The following RIMS1 variants were observed in gnomAD, a reference collection of about 807,000 sequenced individuals.
RIMS1 encodes the protein regulating synaptic membrane exocytosis 1.
In RIMS1, 83 loss-of-function variants were observed where a neutral mutation model predicts 214.1. That is an observed-to-expected ratio of 0.39 (90% confidence interval 0.32 to 0.47). The LOEUF (loss-of-function observed/expected upper bound fraction) is 0.47, where lower values mean the gene tolerates loss of function less well. Among genes scored for constraint, RIMS1 ranks in the 20% least tolerant of loss-of-function variants. The probability of loss-of-function intolerance (pLI) is 0.99; values close to 1 mark genes in which losing one functional copy is unlikely to be tolerated. For missense variants in RIMS1, 2,050 were observed against 2,161.8 expected, an observed-to-expected ratio of 0.95 and a Z score of 1.03; for synonymous variants, 793 against 786.8, an observed-to-expected ratio of 1.01 and a Z score of -0.13.
At position 72,187,067 on chromosome 6, in the gene RIMS1, G is replaced by A. The variant is rs144061969; in HGVS notation, c.1678+3918G>A. Among the ~76,000 whole-genome samples the A allele has an allele frequency of 1.1e-3, 166 of 152,138 alleles. 1 individual carries two copies. The highest frequency in any genetic ancestry group is 3.8e-3 in the African/African-American group (156 of 41,516). ...CTTGAACCTGTGAGGTGGAGGTTGC[G>A]GTGAGCCGAGATTGTGCCACTGCAC... is the stretch of plus-strand genomic sequence containing the variant. On this transcript the variant is annotated intron_variant, in intron 6 of 33. Coordinates refer to ENST00000521978, the MANE Select transcript of RIMS1 (RefSeq NM_014989.7).
At chr6:71,999,013 C>G (rs117230730) in intron 2 of RIMS1, among the ~76,000 whole-genome samples, 68 of 152,054 alleles carry the variant, frequency 4.5e-4, no homozygotes, top group Admixed American at 7.2e-4. Context: ...CTATGTAGGT[C>G]TTTTGCAATT....
chr6:72,178,412 C>T (rs886100664), intron 4 of RIMS1, among the ~76,000 whole-genome samples: 1 of 152,156 alleles, frequency 6.6e-6, no homozygotes, highest in Non-Finnish European at 1.5e-5. Context: ...CTAAACAATG[C>T]TTCTTTTACT....
chr6:72,112,218 C>T (rs1213866926), intron 4 of RIMS1, among the ~76,000 whole-genome samples: 1 of 152,102 alleles, frequency 6.6e-6, no homozygotes, highest in Non-Finnish European at 1.5e-5. Context: ...CACAATGCAA[C>T]CTCTTCTTAC....
chr6:72,260,025 G>A (rs1442795368), intron 18 of RIMS1, among the ~76,000 whole-genome samples: 3 of 152,212 alleles, frequency 2.0e-5, no homozygotes, highest in East Asian at 3.9e-4. Flanking sequence ...ATAGGTACTA[G>A]GATGAAGAGC....
chr6:72,157,449 C>A (rs2044587854), intron 4 of RIMS1, among the ~76,000 whole-genome samples: 1 of 139,882 alleles, frequency 7.1e-6, no homozygotes, highest in African/African-American at 2.5e-5. Flanking sequence ...TAGGTTGAGA[C>A]TATGTTGTTA....
intron 29 of RIMS1, among the ~76,000 whole-genome samples, chr6:72,353,717 TACTC>T (rs563747628): frequency 1.3e-5 from 2 of 152,232 alleles, no homozygotes; most frequent in Admixed American, 6.5e-5. Flanking sequence ...TCACCTCTGA[TACTC>T]AGTTACTACT....
chr6:72,102,042 A>G (rs775749486), intron 4 of RIMS1, among the ~76,000 whole-genome samples: 8 of 151,946 alleles, frequency 5.3e-5, no homozygotes, highest in Admixed American at 2.0e-4. Flanking sequence ...CTAAATATAT[A>G]GCAATACTCT....
chr6:72,339,746 C>T (rs1192177871), intron 29 of RIMS1, among the ~76,000 whole-genome samples: 8 of 151,946 alleles, frequency 5.3e-5, no homozygotes, highest in South Asian at 2.1e-4. Flanking sequence ...AATAAACGTA[C>T]GTGTGCATGT....
Position 72,261,269 on chromosome 6 carries a change from C to G in RIMS1, c.3116+502C>G, listed in dbSNP as rs528043394. Reference sequence around the variant, plus strand: ...TAACAGTTCACTTTTAATGGCTGAGCTTCAGCTTCTTTCTTGATGAAAAGT... The same window carrying G: ...TAACAGTTCACTTTTAATGGCTGAGGTTCAGCTTCTTTCTTGATGAAAAGT... On this transcript the variant is annotated intron_variant, in intron 19 of 33. Coordinates refer to ENST00000521978, the MANE Select transcript of RIMS1 (RefSeq NM_014989.7). The G allele has an allele frequency of 5.1e-4, 505 of 999,830 alleles. No homozygotes were observed. The Middle Eastern group carries it at 5.1e-3, about 10-fold the overall frequency. The allele number at this position is 999,830 out of a possible 1,614,324, so 61.9% of individuals were successfully genotyped here.
intron 2 of RIMS1, among the ~76,000 whole-genome samples, chr6:71,998,936 A>G (rs1229427950): frequency 3.3e-5 from 5 of 152,136 alleles, no homozygotes; most frequent in Admixed American, 3.3e-4. Context: ...TTCTAATTCC[A>G]GATCAAGACT....
At chr6:72,223,113 G>A (rs1470245567) in intron 6 of RIMS1, among the ~76,000 whole-genome samples, 1 of 152,104 alleles carries the variant, frequency 6.6e-6, no homozygotes, top group Non-Finnish European at 1.5e-5. Context: ...TTGTATTATT[G>A]TGGCTATAAA....
At chr6:72,337,726 G>T (rs1254198052) in intron 29 of RIMS1, among the ~76,000 whole-genome samples, 1 of 142,288 alleles carries the variant, frequency 7.0e-6, no homozygotes, top group East Asian at 2.2e-4. Context: ...ATCTCCTAAT[G>T]CTATCCCTCC....
chr6:72,211,598 G>T (rs1266923715), intron 6 of RIMS1, among the ~76,000 whole-genome samples: 2 of 152,054 alleles, frequency 1.3e-5, no homozygotes, highest in African/African-American at 4.8e-5. Flanking sequence ...TAATACGCTG[G>T]TGGTGTATGG....
At chr6:72,058,292 A>G (rs1168647659) in intron 2 of RIMS1, among the ~76,000 whole-genome samples, 3 of 152,214 alleles carry the variant, frequency 2.0e-5, no homozygotes, top group Admixed American at 6.5e-5. Context: ...TGTAAAGACA[A>G]ATGTTCTGTG....
intron 6 of RIMS1, among the ~76,000 whole-genome samples, chr6:72,191,461 C>T (rs961926179): frequency 6.6e-6 from 1 of 152,252 alleles, no homozygotes; most frequent in Non-Finnish European, 1.5e-5. Context: ...CTACTTCATG[C>T]TCACAGGATC....
At chr6:71,902,125 T>C (rs1773829451) in intron 1 of RIMS1, among the ~76,000 whole-genome samples, 1 of 151,904 alleles carries the variant, frequency 6.6e-6, no homozygotes, top group African/African-American at 2.4e-5. Context: ...GAGAATACAG[T>C]GGAGGAGGTG....
At chr6:72,106,545 G>A (rs1475592115) in intron 4 of RIMS1, among the ~76,000 whole-genome samples, 1 of 152,204 alleles carries the variant, frequency 6.6e-6, no homozygotes, top group Non-Finnish European at 1.5e-5. Flanking sequence ...ACAAGGAGAA[G>A]ATGCACTTGA....
At chr6:72,265,819 A>G in intron 21 of RIMS1, 141 bp from the exon 22 acceptor site, 1 of 630,966 alleles carries the variant, frequency 1.6e-6, no homozygotes, top group South Asian at 2.1e-5. Flanking sequence ...ACTCTCTCAC[A>G]CCCTTATGAA....
At chr6:72,300,081 C>T (rs2094471024) in intron 26 of RIMS1, among the ~76,000 whole-genome samples, 1 of 151,658 alleles carries the variant, frequency 6.6e-6, no homozygotes, top group Non-Finnish European at 1.5e-5. Flanking sequence ...TTATCCATCT[C>T]TTTTTTTGGC....
Sources: allele counts gnomAD v4.1 joint callset (sites outside exome capture counted in the v4.1 genomes callset), GRCh38; gene constraint gnomAD v4.1.1; transcripts MANE v1.5; gene names NCBI Gene and HGNC (gene_info 2026-07-23, HGNC 2026-07-21).